Variants in PLAGL1 observed in about 807,000 individuals in gnomAD.
PLAGL1 encodes zinc finger protein PLAGL1.
PLAGL1 carries 1 observed loss-of-function variant against 4.6 expected under a neutral mutation model. That is an observed-to-expected ratio of 0.22 (90% CI 0.08 to 1.03). The LOEUF (loss-of-function observed/expected upper bound fraction) is 1.03, where lower values mean the gene tolerates loss of function less well. PLAGL1 is among the 50% of genes least tolerant of loss of function. The pLI is 0.58. For missense variants in PLAGL1, 464 were observed against 570.4 expected, an observed-to-expected ratio of 0.81 and a Z score of 1.90; for synonymous variants, 240 against 237.8, an observed-to-expected ratio of 1.01 and a Z score of -0.08.
intron 1 of PLAGL1, among the ~76,000 whole-genome samples, chr6:144,052,030 A>G (rs945635838): frequency 5.4e-4 from 82 of 152,294 alleles, no homozygotes; most frequent in African/African-American, 1.9e-3. Context: ...ATTTATTTTT[A>G]TTTTTACTGG....
upstream of PLAGL1, among the ~76,000 whole-genome samples, chr6:144,011,387 G>A (rs1197766647): frequency 6.6e-6 from 1 of 152,122 alleles, no homozygotes; most frequent in Non-Finnish European, 1.5e-5. This position sits in a 1 kb window ranked among gnomAD's most constrained non-coding sequence, Gnocchi z 4.3. Flanking sequence ...ATGCTTCAAA[G>A]ATTTCTGTGG....
At chr6:144,051,661 T>C (rs1260005863) in intron 1 of PLAGL1, among the ~76,000 whole-genome samples, 1 of 152,246 alleles carries the variant, frequency 6.6e-6, no homozygotes, top group Non-Finnish European at 1.5e-5. Flanking sequence ...AGAGGTTTAA[T>C]GGACTTACAG....
intron 1 of PLAGL1, among the ~76,000 whole-genome samples, chr6:144,026,601 A>G (rs1211580320): frequency 6.6e-6 from 1 of 152,214 alleles, no homozygotes; most frequent in Non-Finnish European, 1.5e-5. Flanking sequence ...TTCTGATGGT[A>G]TATTCTTATA....
chr6:143,955,370 G>A lies in PLAGL1; in HGVS notation c.-325+5099C>T, dbSNP rs534067202. ...AAACAGGCTAGAGAGATGGAGAATC[G>A]TGAAGGGTCCACTCTACAAGGGGAA... On this transcript the variant is annotated intron_variant, in intron 6 of 7. Transcript: ENST00000674357. This position sits in a 1 kb window ranked among gnomAD's most constrained non-coding sequence, Gnocchi z 4.9. 7.2e-5 allele frequency among the ~76,000 whole-genome samples: 11 copies of A among 152,328 alleles called. No individual in the cohort carries two copies. Among genetic ancestry groups the A allele is most frequent in the Non-Finnish European group, 8.8e-5 (6 of 68,030 alleles).
intron 1 of PLAGL1, among the ~76,000 whole-genome samples, chr6:144,044,655 T>C (rs770015856): frequency 1.3e-5 from 2 of 152,184 alleles, no homozygotes; most frequent in Non-Finnish European, 2.9e-5. Context: ...ATTCTGTTGA[T>C]TTGTGGTGAA....
chr6:143,946,584 A>G (rs1018064344), intron 7 of PLAGL1, among the ~76,000 whole-genome samples: 11 of 152,348 alleles, frequency 7.2e-5, no homozygotes, highest in African/African-American at 2.6e-4. Context: ...AACTTATTAC[A>G]TTACATTATG....
rs1159149055 is a variant in PLAGL1 at position 144,008,172 on chromosome 6, C to CGCCCCGCGCGCCAAG, written c.-681_-667dup. 6.6e-6 allele frequency: 1 copy of CGCCCCGCGCGCCAAG among 151,826 alleles called. No homozygotes were observed. The highest frequency in any genetic ancestry group is 1.5e-5 in the Non-Finnish European group (1 of 68,018). 9.4% of individuals were successfully genotyped at this position (151,826 alleles called of 1,614,324 possible). A position where few individuals can be genotyped will look rare whatever the true frequency, so the allele number is the denominator to read the frequency against. On this transcript the variant is annotated 5_prime_UTR_variant, in exon 1 of 8. Coordinates refer to ENST00000674357, the MANE Select transcript of PLAGL1 (RefSeq NM_001317162.2). The surrounding 1 kb of genome is among the most constrained non-coding windows in gnomAD (Gnocchi z 6.9). ...CGGCCATGACGGCGACCCGGGGAAG[C>CGCCCCGCGCGCCAAG]GCCCCGCGCGCCAAGGCCCCGCGCT... is the stretch of plus-strand genomic sequence containing the variant.
rs1025605956 is a variant in PLAGL1, at chr6:143,959,023, T to C, written c.-325+1446A>G. ...TGTGAACTCTCTGAGTAGCTGTCCT[T>C]GCAATCCACATGTGTGGTCCATCCC... is the stretch of plus-strand genomic sequence containing the variant. On this transcript the variant is annotated intron_variant, in intron 6 of 7. Coordinates refer to ENST00000674357, the MANE Select transcript of PLAGL1 (RefSeq NM_001317162.2). This position sits in a 1 kb window ranked among gnomAD's most constrained non-coding sequence, Gnocchi z 5.3. Among the ~76,000 whole-genome samples the C allele has an allele frequency of 6.6e-6, 1 of 152,232 alleles. No homozygotes were observed. The highest frequency in any genetic ancestry group is 1.5e-5 in the Non-Finnish European group (1 of 68,038).
rs973994350 is a variant in PLAGL1 at position 143,962,419 on chromosome 6, C to T, written c.-398-1877G>A. On this transcript the variant is annotated intron_variant, in intron 5 of 7. Transcript: ENST00000674357. This position sits in a 1 kb window ranked among gnomAD's most constrained non-coding sequence, Gnocchi z 5.3. ...CCTAAAGATAAATGTTTCCGAGTTCCAGAGTAACAAGAAGAATCACATTTT... is the reference window on the plus strand; with the variant it reads ...CCTAAAGATAAATGTTTCCGAGTTCTAGAGTAACAAGAAGAATCACATTTT... Among the ~76,000 whole-genome samples the T allele has an allele frequency of 6.6e-6, 1 of 152,146 alleles. No homozygotes were observed. Among genetic ancestry groups the T allele is most frequent in the African/African-American group, 2.4e-5 (1 of 41,420 alleles).
At chr6:143,999,707 A>G (rs1447784401) in intron 1 of PLAGL1, among the ~76,000 whole-genome samples, 1 of 152,234 alleles carries the variant, frequency 6.6e-6, no homozygotes, top group Non-Finnish European at 1.5e-5. Flanking sequence ...ATTACATGAA[A>G]AAATTAAAAC....
chr6:143,997,521 A>C lies in PLAGL1; in HGVS notation c.-584+10569T>G, dbSNP rs747378975. ...TACGCTGAATAAAAGCCAGACACAA[A>C]AGAGTACATCCTGTTTGGTTATACT... On this transcript the variant is annotated intron_variant, in intron 1 of 7. Coordinates refer to ENST00000674357, the MANE Select transcript of PLAGL1 (RefSeq NM_001317162.2). The surrounding 1 kb of genome is among the most constrained non-coding windows in gnomAD (Gnocchi z 4.6). 4.6e-5 allele frequency among the ~76,000 whole-genome samples: 7 copies of C among 152,304 alleles called. No homozygotes were observed. The East Asian group carries it at 1.3e-3, about 29-fold the overall frequency.
rs1319892316 is a variant in PLAGL1, at chr6:144,000,447, C to T, written c.-584+7643G>A. Among the ~76,000 whole-genome samples, 2 of 152,060 alleles carry T rather than the reference C, an allele frequency of 1.3e-5. No homozygotes were observed. Among genetic ancestry groups the T allele is most frequent in the Non-Finnish European group, 2.9e-5 (2 of 67,952 alleles). On this transcript the variant is annotated intron_variant, in intron 1 of 7. Coordinates refer to ENST00000674357, the MANE Select transcript of PLAGL1 (RefSeq NM_001317162.2). The surrounding 1 kb of genome is among the most constrained non-coding windows in gnomAD (Gnocchi z 4.1). ...AACTATTCACAGTAGCAACAAAAAT[C>T]ATCAGGATCTAGAAATAAATGTAAC... is the stretch of plus-strand genomic sequence containing the variant.
chr6:144,045,450 T>C (rs1438163175), intron 1 of PLAGL1, among the ~76,000 whole-genome samples: 1 of 152,202 alleles, frequency 6.6e-6, no homozygotes, highest in Non-Finnish European at 1.5e-5. Context: ...ATGAAGAAGC[T>C]TAGTTTGGCT....
intron 1 of PLAGL1, among the ~76,000 whole-genome samples, chr6:143,993,352 AC>A (rs1415486982): frequency 6.6e-6 from 1 of 151,880 alleles, no homozygotes; most frequent in East Asian, 1.9e-4. Flanking sequence ...ACACACACAC[AC>A]ACACACACAC....
At chr6:144,009,961 T>C (rs1412465514), upstream of PLAGL1, among the ~76,000 whole-genome samples, 2 of 152,218 alleles carry the variant, frequency 1.3e-5, no homozygotes, top group African/African-American at 4.8e-5. Flanking sequence ...CTATTGTGAA[T>C]AGTGCTTCAA....
rs1788709300 is a variant in PLAGL1 at position 143,985,026 on chromosome 6, A to G, written c.-544+109T>C. Reference sequence around the variant, plus strand: ...TAATTTAAGAACCAAATAACAAAAAAGTTTTGCTCCAATTTTTGCTCTAGG... The same window carrying G: ...TAATTTAAGAACCAAATAACAAAAAGGTTTTGCTCCAATTTTTGCTCTAGG... On this transcript the variant is annotated intron_variant, in intron 2 of 7. Coordinates refer to ENST00000674357, the MANE Select transcript of PLAGL1 (RefSeq NM_001317162.2). The surrounding 1 kb of genome is among the most constrained non-coding windows in gnomAD (Gnocchi z 4.4). 1 of 152,172 alleles carries G rather than the reference A, an allele frequency of 6.6e-6. No individual in the cohort carries two copies. The highest frequency in any genetic ancestry group is 1.5e-5 in the Non-Finnish European group (1 of 68,016). The allele number at this position is 152,172 out of a possible 1,614,324, so 9.4% of individuals were successfully genotyped here.
chr6:144,026,193 GA>G (rs1197469513), intron 1 of PLAGL1, among the ~76,000 whole-genome samples: 1 of 152,116 alleles, frequency 6.6e-6, no homozygotes, highest in Non-Finnish European at 1.5e-5. Context: ...GTGTGTCCTG[GA>G]TTATGATATA....
chr6:143,970,628 G>A lies in PLAGL1; in HGVS notation c.-543-1650C>T, dbSNP rs537531537. Reference sequence around the variant, plus strand: ...GGGTGGACGGGAAACTGTCTAAGAGGGAAATATCTGGTATTTTTCTACTAG... The same window carrying A: ...GGGTGGACGGGAAACTGTCTAAGAGAGAAATATCTGGTATTTTTCTACTAG... On this transcript the variant is annotated intron_variant, in intron 2 of 7. Coordinates refer to ENST00000674357, the MANE Select transcript of PLAGL1 (RefSeq NM_001317162.2). This position sits in a 1 kb window ranked among gnomAD's most constrained non-coding sequence, Gnocchi z 5.8. 6.4e-4 allele frequency among the ~76,000 whole-genome samples: 97 copies of A among 152,136 alleles called. No individual in the cohort carries two copies. The highest frequency in any genetic ancestry group is 2.2e-3 in the African/African-American group (92 of 41,508).
chr6:144,016,915 T>G lies in PLAGL1; in HGVS notation c.-151+47553A>C, dbSNP rs1156540441. 6.6e-6 allele frequency among the ~76,000 whole-genome samples: 1 copy of G among 152,206 alleles called. No homozygotes were observed. Among genetic ancestry groups the G allele is most frequent in the East Asian group, 1.9e-4 (1 of 5,198 alleles). On this transcript the variant is annotated intron_variant, in intron 1 of 3. Transcript: ENST00000437412. The surrounding 1 kb of genome is among the most constrained non-coding windows in gnomAD (Gnocchi z 4.2). ...GAGCTTTTTCATTAGCACTCTCTTG[T>G]GCATTATCAGTCTGTTTTCTAACCT...
Sources: allele counts gnomAD v4.1 joint callset (sites outside exome capture counted in the v4.1 genomes callset), GRCh38; gene constraint gnomAD v4.1.1; non-coding constraint Gnocchi (gnomAD v3.1); transcripts MANE v1.5; gene names NCBI Gene and HGNC (gene_info 2026-07-23, HGNC 2026-07-21).